The following INTS6 variants were observed in gnomAD, a reference collection of about 807,000 sequenced individuals.
INTS6 encodes integrator complex subunit 6, also known as DEAD box protein.
Under a neutral mutation model 104.9 loss-of-function variants are expected in INTS6, and 16 were observed. That is an observed-to-expected ratio of 0.15 (90% confidence interval 0.10 to 0.23). The LOEUF (loss-of-function observed/expected upper bound fraction) is 0.23, where lower values mean the gene tolerates loss of function less well. Among genes scored for constraint, INTS6 ranks in the 10% least tolerant of loss-of-function variants. INTS6 has a pLI of 1.00. For synonymous variants in INTS6, 324 were observed against 358.7 expected, an observed-to-expected ratio of 0.90 and a Z score of 1.09; for missense variants, 584 against 1,062.8, an observed-to-expected ratio of 0.55 and a Z score of 6.26.
intron 2 of INTS6, 83 bp from the exon 3 acceptor site, chr13:51,451,257 T>A: frequency 8.6e-7 from 1 of 1,168,060 alleles, no homozygotes; most frequent in Non-Finnish European, 1.2e-6. Context: ...GTTCACCAAG[T>A]AGCAGCTTCA....
At chr13:51,401,879 A>T (rs1255124232) in intron 4 of INTS6, among the ~76,000 whole-genome samples, 1 of 152,168 alleles carries the variant, frequency 6.6e-6, no homozygotes, top group Non-Finnish European at 1.5e-5. Context: ...TAAAAAATCA[A>T]ATGTTGAATT....
chr13:51,365,911 T>C (rs1955677956), intron 17 of INTS6, 66 bp from the exon 18 acceptor site: 2 of 929,722 alleles, frequency 2.2e-6, no homozygotes, highest in Admixed American at 6.2e-5. Context: ...AGTATAATTT[T>C]TTTAAGAAAG....
intron 4 of INTS6, among the ~76,000 whole-genome samples, chr13:51,429,232 A>G (rs1441333471): frequency 6.6e-6 from 1 of 152,214 alleles, no homozygotes; most frequent in East Asian, 1.9e-4. Flanking sequence ...CTTAAAATGT[A>G]TACTTTTCCT....
chr13:51,344,358 G>A, the INTS6 span: 31 of 1,613,582 alleles, frequency 1.9e-5, no homozygotes, highest in East Asian at 2.2e-5. Context: ...AAGTGGGAAC[G>A]CCACTGTCCC....
intron 4 of INTS6, among the ~76,000 whole-genome samples, chr13:51,425,757 A>G (rs954016128): frequency 6.6e-6 from 1 of 152,082 alleles, no homozygotes; most frequent in African/African-American, 2.4e-5. Flanking sequence ...CAATAACTCT[A>G]ATTTGTTGAT....
chr13:51,395,035 A>G lies in INTS6; in HGVS notation c.613+265T>C, dbSNP rs1032223513. Among the ~76,000 whole-genome samples, 12 of 152,232 alleles carry G rather than the reference A, an allele frequency of 7.9e-5. No homozygotes were observed. The South Asian group carries it at 1.7e-3, about 21-fold the overall frequency. On this transcript the variant is annotated intron_variant, in intron 5 of 17. Coordinates refer to ENST00000311234, the MANE Select transcript of INTS6 (RefSeq NM_012141.3). ...GGCAATCTTTGTAGATAAGAAAATT[A>G]GTTTAACAACTTCAAATAATAGCAT... is the stretch of plus-strand genomic sequence containing the variant.
At chr13:51,397,498 T>G (rs1004224581) in intron 4 of INTS6, among the ~76,000 whole-genome samples, 2 of 152,178 alleles carry the variant, frequency 1.3e-5, no homozygotes, top group African/African-American at 4.8e-5. Flanking sequence ...GAGGAAGGTT[T>G]CCCAGCCTCA....
chr13:51,383,544 A>G, intron 8 of INTS6, 45 bp downstream of exon 8: 1 of 1,604,368 alleles, frequency 6.2e-7, no homozygotes, highest in Non-Finnish European at 8.5e-7. Context: ...TTTTTAAGAA[A>G]TGCCTCATTT....
intron 4 of INTS6, among the ~76,000 whole-genome samples, chr13:51,411,198 G>A (rs1279308848): frequency 2.7e-5 from 4 of 150,826 alleles, no homozygotes; most frequent in African/African-American, 9.7e-5. Context: ...GGGTGACAGA[G>A]TGAGACTTTG....
intron 3 of INTS6, among the ~76,000 whole-genome samples, chr13:51,435,014 C>T (rs1957160519): frequency 6.6e-6 from 1 of 151,926 alleles, no homozygotes; most frequent in South Asian, 2.1e-4. Context: ...CATTGTTATT[C>T]CTAAGTAAGT....
chr13:51,425,292 TTC>T (rs1250602129), intron 4 of INTS6, among the ~76,000 whole-genome samples: 1 of 152,056 alleles, frequency 6.6e-6, no homozygotes, highest in African/African-American at 2.4e-5. Flanking sequence ...AGACTACTCA[TTC>T]TCTTTCTATG....
At chr13:51,342,948 A>G in the INTS6 span, among the ~76,000 whole-genome samples, 1 of 152,226 alleles carries the variant, frequency 6.6e-6, no homozygotes, top group Non-Finnish European at 1.5e-5. Context: ...GTGGATTCTC[A>G]GGAGCAGCTT....
At chr13:51,338,447 G>GATGGA in the INTS6 span, among the ~76,000 whole-genome samples, 3 of 149,212 alleles carry the variant, frequency 2.0e-5, no homozygotes, top group East Asian at 5.9e-4. Flanking sequence ...GGATGGATAG[G>GATGGA]TGGATGGATG....
At chr13:51,387,307 C>T in intron 7 of INTS6, 79 bp downstream of exon 7, 1 of 1,316,422 alleles carries the variant, frequency 7.6e-7, no homozygotes, top group Non-Finnish European at 1.0e-6. Context: ...TTAATCACAG[C>T]TTTGACAACA....
At chr13:51,392,515 T>A (rs934349593) in intron 5 of INTS6, among the ~76,000 whole-genome samples, 1 of 151,678 alleles carries the variant, frequency 6.6e-6, no homozygotes, top group African/African-American at 2.4e-5. Context: ...CCAGCCATGC[T>A]AGCCTTCCTG....
the INTS6 span, among the ~76,000 whole-genome samples, chr13:51,345,591 T>G: frequency 5.7e-5 from 2 of 34,928 alleles, no homozygotes; most frequent in Non-Finnish European, 1.1e-4. Flanking sequence ...AGATTTCATC[T>G]CAAAAAAAAA....
chr13:51,353,874 T>C (rs1955438060), downstream of INTS6, among the ~76,000 whole-genome samples: 1 of 152,198 alleles, frequency 6.6e-6, no homozygotes, highest in African/African-American at 2.4e-5. Context: ...TCCATTTTGA[T>C]CTTTTTTATT....
intron 4 of INTS6, 76 bp downstream of exon 4, chr13:51,430,218 G>C (rs188946065): frequency 1.1e-5 from 13 of 1,185,180 alleles, no homozygotes; most frequent in Non-Finnish European, 1.6e-5. Context: ...ACCTATTAAA[G>C]GTGTTCAGTA....
chr13:51,445,047 AC>A (rs1424747060), intron 3 of INTS6: 1 of 152,190 alleles, frequency 6.6e-6, no homozygotes, highest in Non-Finnish European at 1.5e-5. Flanking sequence ...GATTTACCCA[AC>A]ATATGTGCTC....
Sources: allele counts gnomAD v4.1 joint callset (sites outside exome capture counted in the v4.1 genomes callset), GRCh38; gene constraint gnomAD v4.1.1; transcripts MANE v1.5; gene names NCBI Gene and HGNC (gene_info 2026-07-23, HGNC 2026-07-21).